ARID1B: variants seen among roughly 807,000 people sequenced by gnomAD.
ARID1B encodes the protein AT-rich interaction domain 1B.
Under a neutral mutation model 212.3 loss-of-function variants are expected in ARID1B, and 30 were observed. The observed-to-expected ratio is 0.14, with a 90% CI of 0.11 to 0.19. The LOEUF is 0.19. Ranked by LOEUF, ARID1B falls within the 10% of genes least tolerant of loss-of-function variation. The probability of loss-of-function intolerance (pLI) is 1.00; values close to 1 mark genes in which losing one functional copy is unlikely to be tolerated. For synonymous variants in ARID1B, 1,402 were observed against 1,301.7 expected (o/e 1.08, Z -1.66); for missense variants, 2,891 against 3,204.0 (o/e 0.90, Z 2.36).
chr6:157,108,935 A>G (rs567426942), intron 5 of ARID1B, among the ~76,000 whole-genome samples: 6 of 152,344 alleles, frequency 3.9e-5, no homozygotes, highest in African/African-American at 2.4e-5. Flanking sequence ...ACTCAGGAAC[A>G]CTCAGAAATA....
At chr6:156,992,557 C>G (rs1778330811) in intron 4 of ARID1B, among the ~76,000 whole-genome samples, 1 of 152,078 alleles carries the variant, frequency 6.6e-6, no homozygotes, top group Non-Finnish European at 1.5e-5. Context: ...AAAAGGCACC[C>G]CGGGAATGGA....
chr6:156,817,823 A>G (rs186464623), intron 1 of ARID1B, among the ~76,000 whole-genome samples: 1 of 152,168 alleles, frequency 6.6e-6, no homozygotes, highest in East Asian at 1.9e-4. Flanking sequence ...TTTATTTATA[A>G]TGCATTTTCT....
At chr6:156,828,852 A>G (rs1232594539) in intron 1 of ARID1B, among the ~76,000 whole-genome samples, 1 of 152,220 alleles carries the variant, frequency 6.6e-6, no homozygotes, top group African/African-American at 2.4e-5. Context: ...TAATCACTCA[A>G]TACCCTCTGC....
At chr6:156,932,419 C>CTTTTAAAGAGTTATGACTTTTTACG (rs59793457) in intron 3 of ARID1B, among the ~76,000 whole-genome samples, 1 of 151,954 alleles carries the variant, frequency 6.6e-6, no homozygotes, top group African/African-American at 2.4e-5. Context: ...ATATGGCATT[C>CTTTTAAAGAGTTATGACTTTTTACG]TATACAGCAG....
In ARID1B at chr6:156,829,176, C is replaced by T. The variant is rs1373456333; in HGVS notation, c.1792-51C>T. ...ATGTTGACATAACACAAATTTGTGC[C>T]TTTGTAATAAAGAATGAATTAATAA... On this transcript the variant is annotated intron_variant, in intron 1 of 19. Coordinates refer to ENST00000636930, the MANE Select transcript of ARID1B (RefSeq NM_001374828.1). 5 of 1,480,802 alleles carry T rather than the reference C, an allele frequency of 3.4e-6. No homozygotes were observed. In the Admixed American group the frequency reaches 9.7e-5, roughly 29 times the overall value. The allele number at this position is 1,480,802 out of a possible 1,614,324, so 91.7% of individuals were successfully genotyped here.
intron 3 of ARID1B, among the ~76,000 whole-genome samples, chr6:156,930,321 C>G (rs551649777): frequency 2.0e-5 from 3 of 152,154 alleles, no homozygotes; most frequent in African/African-American, 7.2e-5. Flanking sequence ...CCTGCTCTCT[C>G]CCTTGCTGCT....
intron 4 of ARID1B, among the ~76,000 whole-genome samples, chr6:157,045,144 G>C (rs1782149347): frequency 6.6e-6 from 1 of 152,164 alleles, no homozygotes; most frequent in African/African-American, 2.4e-5. Flanking sequence ...CTATAAAGTT[G>C]ACAAGTTTCA....
chr6:156,987,552 G>C (rs1056382856), intron 4 of ARID1B, among the ~76,000 whole-genome samples: 14 of 152,112 alleles, frequency 9.2e-5, no homozygotes, highest in South Asian at 8.3e-4. Flanking sequence ...GGATGGTTTC[G>C]ATCTCCTGAC....
At chr6:156,957,771 ACT>A (rs1162973336) in intron 4 of ARID1B, among the ~76,000 whole-genome samples, 10 of 151,826 alleles carry the variant, frequency 6.6e-5, no homozygotes, top group Non-Finnish European at 1.3e-4. Flanking sequence ...GCTTTTCATG[ACT>A]CTCACTTTTT....
chr6:156,776,208 A>G (rs773136000), upstream of ARID1B, among the ~76,000 whole-genome samples: 10 of 152,188 alleles, frequency 6.6e-5, no homozygotes, highest in Non-Finnish European at 1.0e-4. Context: ...GTCATTGCCT[A>G]AGGTTAAGAA....
At chr6:157,049,536 TAAG>T (rs1358086164) in intron 4 of ARID1B, among the ~76,000 whole-genome samples, 2 of 152,228 alleles carry the variant, frequency 1.3e-5, no homozygotes, top group African/African-American at 2.4e-5. Context: ...GGCTGTTTCT[TAAG>T]AAGCCATGTA....
chr6:156,830,422 A>C (rs1783066021), intron 2 of ARID1B, among the ~76,000 whole-genome samples: 1 of 152,138 alleles, frequency 6.6e-6, no homozygotes, highest in Non-Finnish European at 1.5e-5. Flanking sequence ...CAAAAATTAG[A>C]TATGACTACT....
intron 4 of ARID1B, among the ~76,000 whole-genome samples, chr6:156,959,969 C>T (rs1031855380): frequency 5.0e-5 from 7 of 140,464 alleles, no homozygotes; most frequent in Middle Eastern, 4.0e-3. Flanking sequence ...CTCACTCTGT[C>T]GCCCTGGCTG....
At chr6:157,105,615 T>C (rs914330408) in intron 5 of ARID1B, among the ~76,000 whole-genome samples, 1 of 152,152 alleles carries the variant, frequency 6.6e-6, no homozygotes, top group Admixed American at 6.5e-5. Context: ...TTTTTAATTT[T>C]TTTTGAGATG....
At chr6:156,954,136 T>C (rs951804497) in intron 4 of ARID1B, among the ~76,000 whole-genome samples, 1 of 152,150 alleles carries the variant, frequency 6.6e-6, no homozygotes, top group Non-Finnish European at 1.5e-5. Context: ...ATCTGCTTGA[T>C]CTTGGACAAT....
chr6:157,036,831 T>G (rs1365214610), intron 4 of ARID1B: 1 of 499,636 alleles, frequency 2.0e-6, no homozygotes, highest in African/African-American at 1.9e-5. Context: ...CCTTATGATT[T>G]CAGGTTGAAG....
At chr6:157,107,130 A>G (rs1170208658) in intron 5 of ARID1B, among the ~76,000 whole-genome samples, 2 of 152,234 alleles carry the variant, frequency 1.3e-5, no homozygotes, top group African/African-American at 4.8e-5. Flanking sequence ...AAATATAATC[A>G]GAGCAAATAA....
chr6:157,200,973 C>T lies in ARID1B; in HGVS notation c.4748C>T (p.Pro1583Leu). The change falls in exon 18 of 20, where the codon CCT becomes CTT. Residue 1583 changes from proline to leucine, a missense_variant. Transcript: ENST00000636930. The surrounding 1 kb of genome is among the most constrained non-coding windows in gnomAD (Gnocchi z 4.3). The part of the protein sequence containing the change: ...GPLQSSSSEG[P>L]QQNMWAARND... Reference sequence around the variant, plus strand: ...CTGCAGTCGTCCTCCAGTGAGGGGCCTCAGCAGAATATGTGGGCAGCACGC... The same window carrying T: ...CTGCAGTCGTCCTCCAGTGAGGGGCTTCAGCAGAATATGTGGGCAGCACGC... 3 of 1,614,120 alleles carry T rather than the reference C, an allele frequency of 1.9e-6. No individual in the cohort carries two copies. Among genetic ancestry groups the T allele is most frequent in the Non-Finnish European group, 2.5e-6 (3 of 1,180,008 alleles).
intron 5 of ARID1B, among the ~76,000 whole-genome samples, chr6:157,101,504 G>A (rs759997511): frequency 6.6e-6 from 1 of 152,132 alleles, no homozygotes; most frequent in Non-Finnish European, 1.5e-5. Flanking sequence ...CATGTATTGA[G>A]GATGATTGGC....
Sources: allele counts gnomAD v4.1 joint callset (sites outside exome capture counted in the v4.1 genomes callset), GRCh38; gene constraint gnomAD v4.1.1; non-coding constraint Gnocchi (gnomAD v3.1); transcripts MANE v1.5; gene names NCBI Gene and HGNC (gene_info 2026-07-23, HGNC 2026-07-21).